FAM153A: variants seen among roughly 807,000 people sequenced by gnomAD.
The protein encoded by FAM153A is protein FAM153A.
Under a neutral mutation model 48.1 loss-of-function variants are expected in FAM153A, and 12 were observed. That is an observed-to-expected ratio of 0.25 (90% CI 0.16 to 0.40). The LOEUF (loss-of-function observed/expected upper bound fraction) is 0.40, where lower values mean the gene tolerates loss of function less well. FAM153A is among the 10% of genes least tolerant of loss of function. The pLI is 1.00. For synonymous variants in FAM153A, 36 were observed against 118.2 expected (o/e 0.30, Z 4.51); for missense variants, 111 against 345.8 (o/e 0.32, Z 5.38).
intron 13 of FAM153A, among the ~76,000 whole-genome samples, 195 bp downstream of exon 15, chr5:177,734,668 G>T (rs1400678628): frequency 4.7e-5 from 7 of 148,350 alleles, no homozygotes; most frequent in Admixed American, 1.3e-4. Flanking sequence ...TTACACAACA[G>T]GTGACTGATG....
the FAM153A span, among the ~76,000 whole-genome samples, chr5:177,702,219 T>C: frequency 6.6e-6 from 1 of 151,796 alleles, no homozygotes; most frequent in African/African-American, 2.4e-5. Flanking sequence ...AAGGTCACTT[T>C]TGTTATACCT....
chr5:177,710,140 G>A (rs1758282477), downstream of FAM153A, among the ~76,000 whole-genome samples: 1 of 148,604 alleles, frequency 6.7e-6, no homozygotes, highest in South Asian at 2.1e-4. Flanking sequence ...CTGAGACGGA[G>A]TCTCACCTGT....
At chr5:177,713,536 C>T (rs537399839) in intron 26 of FAM153A, among the ~76,000 whole-genome samples, 46 of 151,614 alleles carry the variant, frequency 3.0e-4, no homozygotes, top group Admixed American at 2.3e-3. Flanking sequence ...GGATTACAGG[C>T]GTGAGCAACC....
upstream of FAM153A, chr5:177,753,351 A>G: frequency 1.7e-6 from 1 of 592,272 alleles, no homozygotes; most frequent in Non-Finnish European, 2.9e-6. Context: ...CCATGTCACA[A>G]TATGGGGCCC....
chr5:177,697,183 C>T, the FAM153A span, among the ~76,000 whole-genome samples: 1 of 150,640 alleles, frequency 6.6e-6, no homozygotes, highest in Non-Finnish European at 1.5e-5. Flanking sequence ...TAAAATTTAT[C>T]CCTAAGCATT....
the FAM153A span, among the ~76,000 whole-genome samples, chr5:177,699,157 G>A: frequency 6.6e-6 from 1 of 151,530 alleles, no homozygotes; most frequent in Non-Finnish European, 1.5e-5. Flanking sequence ...AGCAATTTAA[G>A]TTCATTAAAA....
At chr5:177,761,341 C>A (rs1418348062) in intron 1 of FAM153A, among the ~76,000 whole-genome samples, 1 of 151,698 alleles carries the variant, frequency 6.6e-6, no homozygotes. Flanking sequence ...GAGGCCTGGC[C>A]GGAAAAGGGC....
chr5:177,779,280 C>T (rs1170148327), intron 1 of FAM153A, among the ~76,000 whole-genome samples: 2 of 21,616 alleles, frequency 9.3e-5, no homozygotes, highest in Admixed American at 1.2e-3. Flanking sequence ...GGACTTTTAA[C>T]TTTGTGTGCG....
the FAM153A span, among the ~76,000 whole-genome samples, chr5:177,695,789 A>C: frequency 6.0e-5 from 9 of 149,026 alleles, no homozygotes; most frequent in Admixed American, 6.0e-4. Flanking sequence ...TGTTGGGTAC[A>C]CCTCCCAGAT....
chr5:177,713,539 G>A (rs945585964), intron 26 of FAM153A, among the ~76,000 whole-genome samples: 5 of 151,632 alleles, frequency 3.3e-5, no homozygotes, highest in Non-Finnish European at 7.4e-5. Context: ...TTACAGGCGT[G>A]AGCAACCGTG....
At chr5:177,694,954 C>T in the FAM153A span, among the ~76,000 whole-genome samples, 1 of 151,674 alleles carries the variant, frequency 6.6e-6, no homozygotes, top group African/African-American at 2.4e-5. Flanking sequence ...AATGGAGTCT[C>T]ACTTGGTTGC....
chr5:177,764,811 A>T (rs1768608793), intron 1 of FAM153A, among the ~76,000 whole-genome samples: 1 of 148,432 alleles, frequency 6.7e-6, no homozygotes, highest in South Asian at 2.2e-4. Context: ...AGCTGGCCCC[A>T]GTGAGGATGG....
chr5:177,718,396 T>TC (rs1021933277), downstream of FAM153A: 3 of 111,368 alleles, frequency 2.7e-5, no homozygotes, highest in Non-Finnish European at 6.0e-5. Flanking sequence ...TCCAGTGAGA[T>TC]CAACAGTGAT....
chr5:177,713,236 T>G (rs1257779198), intron 26 of FAM153A: 3 of 150,722 alleles, frequency 2.0e-5, no homozygotes, highest in Non-Finnish European at 4.4e-5. Context: ...GTTTCTTACG[T>G]GTTTTCTTTT....
At chr5:177,780,757 TA>T (rs1347701003) in exon 1 of FAM153A, 1 of 21,982 alleles carries the variant, frequency 4.5e-5, no homozygotes, top group Non-Finnish European at 8.1e-5. Flanking sequence ...CTTTTTAAAA[TA>T]AGTGCTGTGA....
chr5:177,696,373 T>TG, the FAM153A span, among the ~76,000 whole-genome samples: 1 of 133,984 alleles, frequency 7.5e-6, no homozygotes, highest in Admixed American at 7.5e-5. Flanking sequence ...AATTCCCAGG[T>TG]GGGGCGGCTG....
At chr5:177,695,785 G>C in the FAM153A span, among the ~76,000 whole-genome samples, 3 of 151,464 alleles carry the variant, frequency 2.0e-5, no homozygotes, top group African/African-American at 7.3e-5. Context: ...GGGCTGTTGG[G>C]TACACCTCCC....
chr5:177,696,652 C>T, the FAM153A span, among the ~76,000 whole-genome samples: 1 of 150,140 alleles, frequency 6.7e-6, no homozygotes, highest in Admixed American at 6.6e-5. Flanking sequence ...AATCCCTATG[C>T]CAGTACACTC....
downstream of FAM153A, among the ~76,000 whole-genome samples, chr5:177,707,801 T>C (rs1757998215): frequency 2.0e-5 from 3 of 151,738 alleles, no homozygotes; most frequent in Admixed American, 2.0e-4. Context: ...CCTCAGGTGA[T>C]CCACCCACCT....
Sources: allele counts gnomAD v4.1 joint callset (sites outside exome capture counted in the v4.1 genomes callset), GRCh38; gene constraint gnomAD v4.1.1; transcripts MANE v1.5; gene names NCBI Gene and HGNC (gene_info 2026-07-23, HGNC 2026-07-21).